The following RASA3 variants were observed in gnomAD, a reference collection of about 807,000 sequenced individuals.
RASA3 encodes RAS p21 protein activator 3.
RASA3 carries 73 observed loss-of-function variants against 110.0 expected under a neutral mutation model. The ratio of observed to expected loss-of-function variants is 0.66; its 90% CI spans 0.55 to 0.81. The LOEUF (loss-of-function observed/expected upper bound fraction) is 0.81, where lower values mean the gene tolerates loss of function less well. RASA3 is among the 30% of genes least tolerant of loss of function. The pLI is 0.00. For synonymous variants in RASA3, 500 were observed against 451.4 expected, an observed-to-expected ratio of 1.11 and a Z score of -1.37; for missense variants, 976 against 1,113.2, an observed-to-expected ratio of 0.88 and a Z score of 1.75.
At position 114,018,925 on chromosome 13, in the gene RASA3, T is replaced by A. The variant is rs561622218; in HGVS notation, c.786-6A>T. 3.1e-6 allele frequency: 5 copies of A among 1,613,082 alleles called. No homozygotes were observed. In the African/African-American group the frequency reaches 6.7e-5, roughly 22 times the overall value. On this transcript the variant is annotated splice_region_variant and splice_polypyrimidine_tract_variant and intron_variant, in intron 9 of 23. Coordinates refer to ENST00000334062, the MANE Select transcript of RASA3 (RefSeq NM_007368.4). ...CCCGGGGCTGGAGGAAGTACCTGGG[T>A]GGGAGGGACACATGGAGGGGAGGCA...
chr13:114,009,534 C>T (rs1158456409), intron 16 of RASA3, 70 bp from the exon 17 acceptor site: 6 of 1,063,988 alleles, frequency 5.6e-6, no homozygotes, highest in Admixed American at 1.7e-5. Context: ...TCTGAAAAAG[C>T]TAGAGGCAAG....
intron 1 of RASA3, among the ~76,000 whole-genome samples, chr13:114,113,198 T>C (rs1380092181): frequency 1.3e-5 from 2 of 152,216 alleles, no homozygotes; most frequent in African/African-American, 4.8e-5. Context: ...TAAGTTTGTC[T>C]GCTCAGCCAC....
chr13:114,029,984 C>G (rs2274712), intron 4 of RASA3, 97 bp from the exon 5 acceptor site: 55,334 of 1,163,368 alleles, frequency 0.048, 4,218 homozygotes, highest in African/African-American at 0.28. Context: ...GCAAAGGGAG[C>G]AGGCGGCCCC....
intron 12 of RASA3, among the ~76,000 whole-genome samples, chr13:114,016,732 C>T (rs903547025): frequency 6.6e-6 from 1 of 152,238 alleles, no homozygotes; most frequent in Non-Finnish European, 1.5e-5. Flanking sequence ...TGATTTTGCC[C>T]ACAGAGCAAA....
intron 14 of RASA3, 104 bp from the exon 15 acceptor site, chr13:114,013,352 G>C: frequency 1.4e-6 from 1 of 727,546 alleles, no homozygotes; most frequent in South Asian, 1.8e-5. Flanking sequence ...TCCAGCCACA[G>C]TCCTGGCTCT....
chr13:113,993,826 A>G (rs1160441754), intron 21 of RASA3, among the ~76,000 whole-genome samples: 1 of 149,606 alleles, frequency 6.7e-6, no homozygotes, highest in Non-Finnish European at 1.5e-5. Context: ...AAAAAAAAAA[A>G]AAAAAGAAAA....
chr13:114,051,989 G>A lies in RASA3; in HGVS notation c.277+63C>T. The A allele has an allele frequency of 8.3e-6, 11 of 1,329,720 alleles. No individual in the cohort carries two copies. The South Asian group carries it at 1.2e-4, about 14-fold the overall frequency. 82.4% of individuals were successfully genotyped at this position (1,329,720 alleles called of 1,614,324 possible). A position where few individuals can be genotyped will look rare whatever the true frequency, so the allele number is the denominator to read the frequency against. ...ATCCAGCCAGGCTCTGGACTGAAATGCTAATACTCGCCTGGTACAGAACAG... is the reference window on the plus strand; with the variant it reads ...ATCCAGCCAGGCTCTGGACTGAAATACTAATACTCGCCTGGTACAGAACAG... On this transcript the variant is annotated intron_variant, in intron 3 of 23. Coordinates refer to ENST00000334062, the MANE Select transcript of RASA3 (RefSeq NM_007368.4).
intron 3 of RASA3, among the ~76,000 whole-genome samples, chr13:114,050,389 G>A (rs537256992): frequency 6.6e-5 from 10 of 152,362 alleles, no homozygotes; most frequent in East Asian, 5.8e-4. Context: ...GAAGTCAAAT[G>A]TCAATTATCT....
At chr13:114,074,627 A>G (rs889185704) in intron 1 of RASA3, among the ~76,000 whole-genome samples, 5 of 152,252 alleles carry the variant, frequency 3.3e-5, no homozygotes, top group Non-Finnish European at 7.3e-5. Flanking sequence ...TGTAAACTCC[A>G]GCTGTTCGAA....
chr13:114,017,359 ATGGCGATGGGGACAGCGTT>A lies in RASA3; in HGVS notation c.1092-27_1092-9del. The A allele has an allele frequency of 6.2e-7, 1 of 1,609,772 alleles. No homozygotes were observed. Among genetic ancestry groups the A allele is most frequent in the African/African-American group, 1.3e-5 (1 of 74,988 alleles). ...AAGATGGTGTTGGGGTCCCTGGGAA[ATGGCGATGGGGACAGCGTT>A]TGTCTCCTGGGGACGCGGAAGTGCA... is the stretch of plus-strand genomic sequence containing the variant. On this transcript the variant is annotated splice_polypyrimidine_tract_variant and intron_variant, in intron 11 of 23. Transcript: ENST00000334062.
chr13:114,053,039 GGCTCCTGGGGAAGAGACCC>G (rs2079177038), intron 2 of RASA3, among the ~76,000 whole-genome samples: 1 of 115,738 alleles, frequency 8.6e-6, no homozygotes, highest in Non-Finnish European at 1.8e-5. Flanking sequence ...TTAGAGTCCT[GGCTCCTGGGGAAGAGACCC>G]CCACTGCTGA....
At position 114,014,074 on chromosome 13, in the gene RASA3, G is replaced by A. The variant is rs568080376; in HGVS notation, c.1406-826C>T. ...TCCGTCTGTCTCTGCCTCTCTCTCC[G>A]TCTGTCTCTGCCTCTCTCTCCGTCT... On this transcript the variant is annotated intron_variant, in intron 14 of 23. Coordinates refer to ENST00000334062, the MANE Select transcript of RASA3 (RefSeq NM_007368.4). This position sits in a 1 kb window ranked among gnomAD's most constrained non-coding sequence, Gnocchi z 4.5. Among the ~76,000 whole-genome samples, 26 of 109,524 alleles carry A rather than the reference G, an allele frequency of 2.4e-4. No homozygotes were observed. The highest frequency in any genetic ancestry group is 3.8e-4 in the Non-Finnish European group (19 of 50,412). 71.9% of individuals were successfully genotyped at this position (109,524 alleles called of 152,430 possible).
intron 22 of RASA3, among the ~76,000 whole-genome samples, chr13:113,984,499 G>C (rs1190358386): frequency 3.2e-5 from 1 of 31,260 alleles, no homozygotes; most frequent in Non-Finnish European, 6.8e-5. Context: ...TCACCCATCC[G>C]TCCATCCACC....
Position 114,132,461 on chromosome 13 carries a change from AC to A in RASA3, c.28del (p.Val10SerfsTer5). The A allele has an allele frequency of 6.6e-7, 1 of 1,517,072 alleles. No individual in the cohort carries two copies. 94.0% of individuals were successfully genotyped at this position (1,517,072 alleles called of 1,614,324 possible). A position where few individuals can be genotyped will look rare whatever the true frequency, so the allele number is the denominator to read the frequency against. ...GATCTTGATCTTCACGCTCTGGAAG[AC>A]CCGGAGCCCCTCGTCCTCCACCGCC... The part of the protein sequence containing the change: MAVEDEGLR[V>X]FQSVKIKIGE... On this transcript the variant is annotated frameshift_variant, in exon 1 of 24. Coordinates refer to ENST00000334062, the MANE Select transcript of RASA3 (RefSeq NM_007368.4). LOFTEE classifies it high-confidence loss of function.
chr13:114,067,824 G>A (rs1015630425), intron 2 of RASA3, among the ~76,000 whole-genome samples: 1 of 152,144 alleles, frequency 6.6e-6, no homozygotes, highest in African/African-American at 2.4e-5. Context: ...TGCCTGGGAA[G>A]ACCCAGCTCT....
chr13:113,982,910 G>T (rs1304926204), intron 22 of RASA3, among the ~76,000 whole-genome samples: 1 of 152,222 alleles, frequency 6.6e-6, no homozygotes, highest in Admixed American at 6.5e-5. Context: ...GCTACGCCCG[G>T]ATCTCAAGCT....
intron 23 of RASA3, among the ~76,000 whole-genome samples, chr13:113,979,843 C>T (rs537087528): frequency 3.4e-4 from 51 of 152,054 alleles, no homozygotes; most frequent in Non-Finnish European, 6.0e-4. Flanking sequence ...ACATGCACAC[C>T]TCCCTCATAC....
chr13:114,041,219 G>A (rs1432832187), intron 3 of RASA3, 125 bp from the exon 4 acceptor site: 18 of 828,460 alleles, frequency 2.2e-5, no homozygotes, highest in Non-Finnish European at 3.1e-5. Context: ...ATGGGGCACC[G>A]GCCGGGTGCG....
At chr13:114,007,693 C>G in intron 17 of RASA3, 87 bp from the exon 18 acceptor site, 1 of 1,130,406 alleles carries the variant, frequency 8.8e-7, no homozygotes, top group Non-Finnish European at 1.3e-6. Flanking sequence ...TCGGCGGCTA[C>G]TGCCTCCTTT....
Sources: allele counts gnomAD v4.1 joint callset (sites outside exome capture counted in the v4.1 genomes callset), GRCh38; gene constraint gnomAD v4.1.1; non-coding constraint Gnocchi (gnomAD v3.1); transcripts MANE v1.5; gene names NCBI Gene and HGNC (gene_info 2026-07-23, HGNC 2026-07-21).